The following NLGN3 variants were observed in gnomAD, a reference collection of about 807,000 sequenced individuals.
NLGN3 encodes the protein neuroligin 3.
In NLGN3, 11 loss-of-function variants were observed where a neutral mutation model predicts 42.9. The ratio of observed to expected loss-of-function variants is 0.26; its 90% CI spans 0.16 to 0.42. The LOEUF (loss-of-function observed/expected upper bound fraction) is 0.42, where lower values mean the gene tolerates loss of function less well. Ranked by LOEUF, NLGN3 falls within the 10% of genes least tolerant of loss-of-function variation. The pLI is 1.00. For missense variants in NLGN3, 374 were observed against 733.8 expected, an observed-to-expected ratio of 0.51 and a Z score of 5.67; for synonymous variants, 279 against 312.7, an observed-to-expected ratio of 0.89 and a Z score of 1.14.
chrX:71,170,811 C>G lies in NLGN3; in HGVS notation c.*714C>G. On this transcript the variant is annotated 3_prime_UTR_variant, in exon 8 of 8. Transcript: ENST00000358741. ...GGTCGTAGGGGAGAGATCTCCAACTCTCTCTGTGTCCGTGTGGAGGGCTGC... is the reference window on the plus strand; with the variant it reads ...GGTCGTAGGGGAGAGATCTCCAACTGTCTCTGTGTCCGTGTGGAGGGCTGC... 4.0e-6 allele frequency: 3 copies of G among 756,250 alleles called. No homozygotes were observed. The highest frequency in any genetic ancestry group is 4.7e-6 in the Non-Finnish European group (3 of 640,428). The allele number at this position is 756,250 out of a possible 1,213,427, so 62.3% of individuals were successfully genotyped here. A position where few individuals can be genotyped will look rare whatever the true frequency, so the allele number is the denominator to read the frequency against.
chrX:71,164,024 A>G (rs1384640452), intron 5 of NLGN3, 119 bp from the exon 6 acceptor site: 4 of 650,793 alleles, frequency 6.1e-6, no homozygotes, highest in African/African-American at 4.3e-5. Context: ...CTATGTGGGA[A>G]GAACTACACT....
chrX:71,169,130 G>GA, intron 7 of NLGN3, 124 bp from the exon 8 acceptor site: 1 of 835,077 alleles, frequency 1.2e-6, no homozygotes. Flanking sequence ...AGGGGACCCT[G>GA]AAAAAGATGG....
intron 3 of NLGN3, among the ~76,000 whole-genome samples, chrX:71,150,701 C>CAAAA (rs1174331159): frequency 4.2e-4 from 12 of 28,316 alleles, no homozygotes; most frequent in Non-Finnish European, 6.8e-4. Context: ...GACTCCATCT[C>CAAAA]AAAAAAAAAA....
At chrX:71,164,985 T>G (rs1431904804) in intron 6 of NLGN3, among the ~76,000 whole-genome samples, 2 of 111,462 alleles carry the variant, frequency 1.8e-5, no homozygotes, top group Non-Finnish European at 3.8e-5. Flanking sequence ...CGGCAGGAAA[T>G]GTTTTCTCCA....
chrX:71,158,390 G>A (rs907924816), intron 5 of NLGN3, among the ~76,000 whole-genome samples: 1 of 112,173 alleles, frequency 8.9e-6, no homozygotes, highest in Non-Finnish European at 1.9e-5. Context: ...CGGCTGGGCT[G>A]CACAGTTTCT....
chrX:71,157,806 A>G lies in NLGN3; in HGVS notation c.727+2443A>G, dbSNP rs2092415207. 4.5e-5 allele frequency among the ~76,000 whole-genome samples: 5 copies of G among 110,634 alleles called. No homozygotes were observed. In the South Asian group the frequency reaches 1.5e-3, roughly 33 times the overall value. On this transcript the variant is annotated intron_variant, in intron 5 of 7. Coordinates refer to ENST00000358741, the MANE Select transcript of NLGN3 (RefSeq NM_181303.2). ...AAACTGCAGAAATGATGCTCCTTTA[A>G]AAAAGCAAAGTCGGTGTCCCCTTCA...
chrX:71,146,172 G>GACACAC (rs1168453634), intron 1 of NLGN3, among the ~76,000 whole-genome samples: 1,543 of 38,090 alleles, frequency 0.041, 69 homozygotes, highest in Middle Eastern at 0.07. Flanking sequence ...CACACACACA[G>GACACAC]ACACACACAC....
At chrX:71,155,065 G>A (rs1251638867) in intron 4 of NLGN3, 149 bp from the exon 5 acceptor site, 1 of 600,307 alleles carries the variant, frequency 1.7e-6, no homozygotes, top group African/African-American at 2.2e-5. Context: ...GCTCCAGGTT[G>A]AGCAACCCCA....
At chrX:71,172,876 T>C (rs2092473447), downstream of NLGN3, among the ~76,000 whole-genome samples, 1 of 111,692 alleles carries the variant, frequency 9.0e-6, no homozygotes, top group Non-Finnish European at 1.9e-5. Context: ...CACAAGCACC[T>C]AGTGAGTTCT....
At chrX:71,149,278 C>T (rs966055392) in intron 3 of NLGN3, among the ~76,000 whole-genome samples, 2 of 111,146 alleles carry the variant, frequency 1.8e-5, no homozygotes, top group Admixed American at 9.5e-5. Flanking sequence ...ACCATCCCTT[C>T]TGTGTTCTTT....
intron 4 of NLGN3, among the ~76,000 whole-genome samples, chrX:71,154,727 G>A (rs2092402516): frequency 9.0e-6 from 1 of 111,178 alleles, no homozygotes; most frequent in South Asian, 3.8e-4. Flanking sequence ...CACACCTCTT[G>A]TCTCTGTCTG....
intron 3 of NLGN3, among the ~76,000 whole-genome samples, chrX:71,151,396 A>G (rs1452960708): frequency 8.9e-6 from 1 of 112,205 alleles, no homozygotes; most frequent in Non-Finnish European, 1.9e-5. Context: ...AAGGGAAGGC[A>G]TTTGGTCATT....
downstream of NLGN3, among the ~76,000 whole-genome samples, chrX:71,174,453 T>C (rs1470586854): frequency 1.8e-5 from 2 of 111,877 alleles, no homozygotes; most frequent in African/African-American, 6.5e-5. Flanking sequence ...TCAATACATT[T>C]GATATTGATT....
chrX:71,146,147 T>TCA (rs2092366863), intron 1 of NLGN3, among the ~76,000 whole-genome samples: 2 of 38,341 alleles, frequency 5.2e-5, no homozygotes, highest in African/African-American at 2.7e-4. Context: ...TCTCTCTCTC[T>TCA]CTCTCTCACA....
intron 3 of NLGN3, among the ~76,000 whole-genome samples, chrX:71,149,787 G>A (rs1364143442): frequency 1.8e-5 from 2 of 110,826 alleles, no homozygotes; most frequent in South Asian, 3.9e-4. Flanking sequence ...TTCCACTGTA[G>A]CACACAGAAG....
At chrX:71,145,959 C>T (rs1022310439) in intron 1 of NLGN3, among the ~76,000 whole-genome samples, 2 of 94,589 alleles carry the variant, frequency 2.1e-5, no homozygotes, top group Non-Finnish European at 4.2e-5. Flanking sequence ...TGCCCCACCT[C>T]CCTACTCCTA....
intron 1 of NLGN3, 84 bp from the exon 2 acceptor site, chrX:71,147,466 C>T (rs2092374767): frequency 2.4e-6 from 1 of 418,274 alleles, no homozygotes; most frequent in Non-Finnish European, 4.2e-6. Flanking sequence ...AAGAGAATAG[C>T]CCAAGCCCAG....
chrX:71,153,666 G>C (rs986520159), intron 4 of NLGN3, 130 bp downstream of exon 4: 11 of 634,040 alleles, frequency 1.7e-5, no homozygotes, highest in Non-Finnish European at 2.5e-5. Flanking sequence ...AAGGCCGTTG[G>C]GCTGTTCATC....
chrX:71,167,021 G>T lies in NLGN3; in HGVS notation c.924G>T (p.Gln308His), dbSNP rs1304713332. The change falls in exon 7 of 8, where the codon CAG becomes CAT. Residue 308 changes from glutamine (Q) to histidine (H), a missense_variant. Gln to His is a conservative substitution (Grantham distance 24). Around this residue, in one of 6 missense-constraint regions of NLGN3, gnomAD observed 142 missense variants for 359.1 expected, o/e 0.40. Transcript: ENST00000358741. ...ACCTGTCTTCTGTAGGACTTTTCCAGAGAGCCATCATCCAAAGTGGCTCTG... is the reference window on the plus strand; with the variant it reads ...ACCTGTCTTCTGTAGGACTTTTCCATAGAGCCATCATCCAAAGTGGCTCTG... ...TLSHHSEGLF[Q>H]RAIIQSGSAL... is the part of the protein sequence containing the mutation. 8.4e-7 allele frequency: 1 copy of T among 1,193,790 alleles called. No individual in the cohort carries two copies. The highest frequency in any genetic ancestry group is 1.1e-6 in the Non-Finnish European group (1 of 886,123).
Sources: gnomAD v4.1 joint callset for allele counts (sites outside exome capture counted in the v4.1 genomes callset) on GRCh38, gnomAD v4.1.1 for gene constraint, gnomAD v4.1.1 regional missense constraint, MANE v1.5 for transcripts, NCBI Gene and HGNC (gene_info 2026-07-23, HGNC 2026-07-21) for gene names.